Variants in SPATA17 observed in about 807,000 individuals in gnomAD.
SPATA17 encodes the protein spermatogenesis-associated protein 17.
Under a neutral mutation model 62.2 loss-of-function variants are expected in SPATA17, and 53 were observed. The observed-to-expected ratio is 0.85, with a 90% CI of 0.68 to 1.07. The LOEUF (loss-of-function observed/expected upper bound fraction) is 1.07. Ranked by LOEUF, SPATA17 falls within the 50% of genes least tolerant of loss-of-function variation. The probability of loss-of-function intolerance (pLI) is 0.00; values close to 1 mark genes in which losing one functional copy is unlikely to be tolerated. For missense variants in SPATA17, 466 were observed against 425.5 expected (o/e 1.10, Z -0.84); for synonymous variants, 146 against 146.8 (o/e 0.99, Z 0.04).
intron 1 of SPATA17, among the ~76,000 whole-genome samples, chr1:217,640,635 A>C (rs1405561733): frequency 6.6e-6 from 1 of 152,116 alleles, no homozygotes; most frequent in Non-Finnish European, 1.5e-5. Flanking sequence ...ATAGGGAAAA[A>C]ATAAAAATAA....
chr1:217,866,926 T>C, intron 10 of SPATA17, 96 bp from the exon 11 acceptor site: 1 of 151,526 alleles, frequency 6.6e-6, no homozygotes, highest in East Asian at 1.9e-4. Context: ...GAAGTGAGTG[T>C]GAATAGAAGA....
intron 9 of SPATA17, among the ~76,000 whole-genome samples, chr1:217,808,558 T>C (rs1674501607): frequency 6.6e-6 from 1 of 152,116 alleles, no homozygotes; most frequent in Non-Finnish European, 1.5e-5. Flanking sequence ...GGCATCTTTC[T>C]AAAAGCAAAA....
intron 6 of SPATA17, among the ~76,000 whole-genome samples, chr1:217,754,569 A>G (rs1179927978): frequency 6.6e-6 from 1 of 152,198 alleles, no homozygotes; most frequent in African/African-American, 2.4e-5. Flanking sequence ...GCTATTATGT[A>G]TAACTGATAA....
Position 217,704,811 on chromosome 1 carries a change from G to A in SPATA17, c.395+21450G>A, listed in dbSNP as rs180904451. Among the ~76,000 whole-genome samples the A allele has an allele frequency of 4.2e-3, 635 of 152,174 alleles. 2 individuals are homozygous for A. The highest frequency in any genetic ancestry group is 7.1e-3 in the Non-Finnish European group (482 of 68,020). On this transcript the variant is annotated intron_variant, in intron 5 of 10. Coordinates refer to ENST00000366933, the MANE Select transcript of SPATA17 (RefSeq NM_138796.4). ...TCTTTATCCAGTATACCACTGATGG[G>A]CATCTAGGTTGATTCCATGTCTTTG... is the stretch of plus-strand genomic sequence containing the variant.
intron 4 of SPATA17, among the ~76,000 whole-genome samples, chr1:217,682,049 G>C (rs1208844471): frequency 6.6e-6 from 1 of 152,022 alleles, no homozygotes; most frequent in African/African-American, 2.4e-5. Flanking sequence ...CATTCATACA[G>C]ATATTTAAAC....
At chr1:217,806,495 C>G (rs1209637872) in intron 9 of SPATA17, among the ~76,000 whole-genome samples, 1 of 152,142 alleles carries the variant, frequency 6.6e-6, no homozygotes, top group East Asian at 1.9e-4. Context: ...GAATAGTGGT[C>G]CAGTCCCTGT....
chr1:217,766,674 T>C (rs978418372), intron 6 of SPATA17, among the ~76,000 whole-genome samples: 1 of 151,582 alleles, frequency 6.6e-6, no homozygotes, highest in Non-Finnish European at 1.5e-5. Context: ...CTGATCTCCC[T>C]TTTTTTAAAA....
intron 9 of SPATA17, among the ~76,000 whole-genome samples, chr1:217,852,910 CCTT>C (rs2103012671): frequency 6.6e-6 from 1 of 152,212 alleles, no homozygotes; most frequent in African/African-American, 2.4e-5. Context: ...TTCCCTCAGT[CCTT>C]CTCCACTACC....
chr1:217,680,862 T>C (rs1343855351), intron 4 of SPATA17, among the ~76,000 whole-genome samples: 2 of 144,414 alleles, frequency 1.4e-5, no homozygotes, highest in African/African-American at 5.2e-5. Flanking sequence ...GAGACAGAGG[T>C]TGCAGTGGGC....
At chr1:217,846,406 ATGTCTTTTCC>A (rs1231822290) in intron 9 of SPATA17, among the ~76,000 whole-genome samples, 12 of 152,242 alleles carry the variant, frequency 7.9e-5, no homozygotes, top group African/African-American at 2.2e-4. Flanking sequence ...CAATTCTTAC[ATGTCTTTTCC>A]TGTCTTAAGT....
intron 3 of SPATA17, among the ~76,000 whole-genome samples, chr1:217,662,696 A>G (rs2102892087): frequency 1.3e-5 from 2 of 152,292 alleles, no homozygotes; most frequent in South Asian, 2.1e-4. Flanking sequence ...TGATCTTTTC[A>G]TGGTTGGCAA....
At chr1:217,744,326 A>G (rs552250492) in intron 6 of SPATA17, among the ~76,000 whole-genome samples, 1 of 97,456 alleles carries the variant, frequency 1.0e-5, no homozygotes, top group Non-Finnish European at 2.6e-5. Flanking sequence ...AGCCGGGCGT[A>G]GTGGCGGGCG....
intron 5 of SPATA17, among the ~76,000 whole-genome samples, chr1:217,730,371 C>T (rs901099643): frequency 1.3e-5 from 2 of 151,966 alleles, no homozygotes; most frequent in Admixed American, 6.6e-5. Context: ...CACGCACCAC[C>T]ACACCTGGCT....
intron 6 of SPATA17, among the ~76,000 whole-genome samples, chr1:217,758,998 G>A (rs1023100399): frequency 3.3e-5 from 5 of 152,072 alleles, no homozygotes; most frequent in Non-Finnish European, 7.4e-5. Flanking sequence ...TATAATATTG[G>A]GATGGGTTGC....
At chr1:217,757,602 G>A (rs1274349731) in intron 6 of SPATA17, among the ~76,000 whole-genome samples, 1 of 152,168 alleles carries the variant, frequency 6.6e-6, no homozygotes, top group Non-Finnish European at 1.5e-5. Flanking sequence ...TGAGGAATGG[G>A]AAATATGTAC....
intron 9 of SPATA17, among the ~76,000 whole-genome samples, chr1:217,848,950 G>T (rs1170491150): frequency 6.6e-6 from 1 of 151,852 alleles, no homozygotes; most frequent in African/African-American, 2.4e-5. Flanking sequence ...ATCAACTTGT[G>T]TTTTCTGCTC....
chr1:217,724,954 A>G (rs1672229097), intron 5 of SPATA17, among the ~76,000 whole-genome samples: 1 of 152,106 alleles, frequency 6.6e-6, no homozygotes, highest in African/African-American at 2.4e-5. Context: ...AAACATATTT[A>G]TGGAGATTCT....
intron 9 of SPATA17, among the ~76,000 whole-genome samples, chr1:217,860,521 T>C (rs11117952): frequency 0.41 from 62,583 of 152,008 alleles, 13,134 homozygotes; most frequent in Admixed American, 0.47. Flanking sequence ...GTCTATTTCT[T>C]CTTGCAGTTC....
intron 5 of SPATA17, among the ~76,000 whole-genome samples, chr1:217,701,693 A>G (rs1671603126): frequency 6.6e-6 from 1 of 151,880 alleles, no homozygotes; most frequent in Non-Finnish European, 1.5e-5. Flanking sequence ...GGCCTATACT[A>G]TTTTTATTTC....
Sources: allele counts gnomAD v4.1 joint callset (sites outside exome capture counted in the v4.1 genomes callset), GRCh38; gene constraint gnomAD v4.1.1; transcripts MANE v1.5; gene names NCBI Gene and HGNC (gene_info 2026-07-23, HGNC 2026-07-21).